Variants in PTPN13 observed in about 807,000 individuals in gnomAD.
PTPN13 encodes the protein protein tyrosine phosphatase non-receptor type 13.
In PTPN13, 191 loss-of-function variants were observed where a neutral mutation model predicts 284.0. That is an observed-to-expected ratio of 0.67 (90% CI 0.60 to 0.76). The LOEUF is 0.76. PTPN13 is among the 30% of genes least tolerant of loss of function. The pLI, the probability that PTPN13 is intolerant of heterozygous loss-of-function variation, is 0.00. For missense variants in PTPN13, 2,797 were observed against 2,939.9 expected, an observed-to-expected ratio of 0.95 and a Z score of 1.12; for synonymous variants, 986 against 1,022.3, an observed-to-expected ratio of 0.96 and a Z score of 0.68.
chr4:86,627,903 T>G (rs1212909363), intron 1 of PTPN13, among the ~76,000 whole-genome samples: 2 of 152,222 alleles, frequency 1.3e-5, no homozygotes, highest in African/African-American at 4.8e-5. Context: ...ATAATTTTTA[T>G]TGCTGATTAG....
chr4:86,757,993 C>T (rs938698550), intron 20 of PTPN13, among the ~76,000 whole-genome samples: 2 of 152,034 alleles, frequency 1.3e-5, no homozygotes, highest in Admixed American at 1.3e-4. Flanking sequence ...ATCATTTAAC[C>T]TATTGAGGTT....
intron 44 of PTPN13, among the ~76,000 whole-genome samples, chr4:86,806,994 C>A (rs535338732): frequency 3.9e-5 from 6 of 152,022 alleles, no homozygotes; most frequent in Non-Finnish European, 8.8e-5. Context: ...ATAAAATGAG[C>A]TGTTATTTTC....
At chr4:86,712,769 A>G (rs1732572667) in intron 7 of PTPN13, among the ~76,000 whole-genome samples, 1 of 152,074 alleles carries the variant, frequency 6.6e-6, no homozygotes, top group African/African-American at 2.4e-5. Context: ...TGAAGAGAAA[A>G]TGATTTATTA....
chr4:86,806,198 A>G (rs905680421), intron 44 of PTPN13, among the ~76,000 whole-genome samples: 2 of 151,912 alleles, frequency 1.3e-5, no homozygotes, highest in Admixed American at 1.3e-4. Flanking sequence ...AGTAATTTTT[A>G]CATGTATAAA....
chr4:86,794,009 C>T (rs916939627), intron 40 of PTPN13, among the ~76,000 whole-genome samples: 5 of 152,130 alleles, frequency 3.3e-5, no homozygotes, highest in African/African-American at 9.7e-5. Flanking sequence ...CAGAGCAGAA[C>T]TGAAGGAGAT....
chr4:86,635,220 T>C, intron 1 of PTPN13, 32 bp from the exon 2 acceptor site: 1 of 1,562,032 alleles, frequency 6.4e-7, no homozygotes, highest in Non-Finnish European at 8.7e-7. Flanking sequence ...AAGTTGCTGA[T>C]GCATAGACCA....
chr4:86,782,140 T>C (rs944369451), intron 36 of PTPN13, 61 bp from the exon 37 acceptor site: 5 of 1,151,146 alleles, frequency 4.3e-6, no homozygotes, highest in Non-Finnish European at 5.1e-6. Context: ...TTTAATTATT[T>C]TGATGTCCCT....
chr4:86,628,463 G>A (rs948510901), intron 1 of PTPN13, among the ~76,000 whole-genome samples: 2 of 149,230 alleles, frequency 1.3e-5, no homozygotes, highest in African/African-American at 4.9e-5. Context: ...TATATGATTT[G>A]CAGTATTTTT....
chr4:86,633,087 T>G (rs2148712779), intron 1 of PTPN13, among the ~76,000 whole-genome samples: 1 of 152,284 alleles, frequency 6.6e-6, no homozygotes, highest in African/African-American at 2.4e-5. Flanking sequence ...ATTACAGGCT[T>G]AAGCCACTAT....
At chr4:86,770,697 A>G (rs1739889876) in intron 30 of PTPN13, among the ~76,000 whole-genome samples, 1 of 152,166 alleles carries the variant, frequency 6.6e-6, no homozygotes, top group Non-Finnish European at 1.5e-5. Context: ...GCTATTAAAA[A>G]TGGCCTATAT....
At chr4:86,722,124 C>A in intron 9 of PTPN13, 88 bp from the exon 10 acceptor site, 4 of 1,099,324 alleles carry the variant, frequency 3.6e-6, no homozygotes, top group Non-Finnish European at 5.4e-6. Context: ...TAAACTCTTG[C>A]AACCTTACTT....
intron 6 of PTPN13, among the ~76,000 whole-genome samples, chr4:86,697,479 A>G (rs1730698846): frequency 6.6e-6 from 1 of 152,102 alleles, no homozygotes; most frequent in African/African-American, 2.4e-5. Context: ...TACCTCCAAG[A>G]TCTGTCACAG....
At chr4:86,598,215 T>G (rs1481008072) in intron 1 of PTPN13, among the ~76,000 whole-genome samples, 1 of 152,062 alleles carries the variant, frequency 6.6e-6, no homozygotes, top group East Asian at 1.9e-4. Context: ...CTTGTCTCAC[T>G]GCAACCTCTG....
intron 16 of PTPN13, among the ~76,000 whole-genome samples, chr4:86,744,076 A>G (rs903472952): frequency 1.3e-5 from 2 of 152,210 alleles, no homozygotes; most frequent in Non-Finnish European, 2.9e-5. Flanking sequence ...TCAGAGTGAT[A>G]AAACTGATTT....
intron 2 of PTPN13, among the ~76,000 whole-genome samples, chr4:86,639,705 G>A (rs1723534475): frequency 6.6e-6 from 1 of 151,994 alleles, no homozygotes; most frequent in South Asian, 2.1e-4. Flanking sequence ...GGGAAGGATA[G>A]CATTAGGAGA....
chr4:86,636,083 A>G (rs1282107814), intron 2 of PTPN13, among the ~76,000 whole-genome samples: 1 of 152,198 alleles, frequency 6.6e-6, no homozygotes, highest in Non-Finnish European at 1.5e-5. Context: ...CTGAGAACTC[A>G]TAATAGGAGG....
intron 1 of PTPN13, among the ~76,000 whole-genome samples, chr4:86,607,425 T>G (rs1764876528): frequency 6.6e-6 from 1 of 152,020 alleles, no homozygotes; most frequent in Non-Finnish European, 1.5e-5. Flanking sequence ...TATTGTGTGC[T>G]AGGCACTCTT....
chr4:86,652,885 C>A (rs905336793), intron 2 of PTPN13, among the ~76,000 whole-genome samples: 1 of 151,146 alleles, frequency 6.6e-6, no homozygotes, highest in African/African-American at 2.4e-5. Context: ...CTTAGATTTG[C>A]CCTTTTGAGG....
chr4:86,673,502 G>C (rs1727942369), intron 3 of PTPN13, among the ~76,000 whole-genome samples: 1 of 152,078 alleles, frequency 6.6e-6, no homozygotes, highest in African/African-American at 2.4e-5. Context: ...AGAGGGATGT[G>C]GTTAAAGGAA....
Sources: allele counts gnomAD v4.1 joint callset (sites outside exome capture counted in the v4.1 genomes callset), GRCh38; gene constraint gnomAD v4.1.1; transcripts MANE v1.5; gene names NCBI Gene and HGNC (gene_info 2026-07-23, HGNC 2026-07-21).